Variants in BOC observed in about 807,000 individuals in gnomAD.
The protein encoded by BOC is BOC cell adhesion associated, oncogene regulated.
Under a neutral mutation model 112.0 loss-of-function variants are expected in BOC, and 76 were observed. The observed-to-expected ratio is 0.68, with a 90% CI of 0.56 to 0.82. BOC has a LOEUF of 0.82. Ranked by LOEUF, BOC falls within the 40% of genes least tolerant of loss-of-function variation. BOC has a pLI of 0.00. For missense variants in BOC, 1,309 were observed against 1,511.7 expected (o/e 0.87, Z 2.22); for synonymous variants, 580 against 599.8 (o/e 0.97, Z 0.48).
intron 2 of BOC, among the ~76,000 whole-genome samples, chr3:113,222,332 C>T (rs114052997): frequency 0.019 from 2,814 of 151,816 alleles, 84 homozygotes; most frequent in African/African-American, 0.063. Flanking sequence ...ATCTCAAAAG[C>T]GATGTAATAG....
chr3:113,258,036 C>T (rs1356553622), intron 4 of BOC, among the ~76,000 whole-genome samples: 1 of 152,310 alleles, frequency 6.6e-6, no homozygotes, highest in Non-Finnish European at 1.5e-5. Context: ...CCATGAGTTG[C>T]CCGCCAGAAA....
At chr3:113,225,021 G>A (rs1318337355) in intron 2 of BOC, among the ~76,000 whole-genome samples, 3 of 152,162 alleles carry the variant, frequency 2.0e-5, no homozygotes, top group African/African-American at 4.8e-5. Context: ...AGCTTGCAGT[G>A]AGCTGAGATC....
In BOC at chr3:113,241,317, C is replaced by A. The variant is rs553492827; in HGVS notation, c.-81-8405C>A. Among the ~76,000 whole-genome samples, 5 of 152,282 alleles carry A rather than the reference C, an allele frequency of 3.3e-5. No individual in the cohort carries two copies. The South Asian group carries it at 1.0e-3, about 32-fold the overall frequency. On this transcript the variant is annotated intron_variant, in intron 2 of 19. Transcript: ENST00000682979. The stretch of plus-strand genomic sequence containing the variant: ...GGTGCTCTTCCAGAGACCACACTCA[C>A]CCACCCATACTCCCTTACACATGTG...
chr3:113,284,756 G>A lies in BOC; in HGVS notation c.2890-26G>A, dbSNP rs370578613. On this transcript the variant is annotated intron_variant, in intron 17 of 19. Coordinates refer to ENST00000682979, the MANE Select transcript of BOC (RefSeq NM_001378074.1). The stretch of plus-strand genomic sequence containing the variant: ...GTTACCTGGACTCCCCGGCGTGGCC[G>A]TCTCATTACTCTTCCTTTTGAGCAG... 3.4e-5 allele frequency: 55 copies of A among 1,610,328 alleles called. No individual in the cohort carries two copies. In the East Asian group the frequency reaches 6.0e-4, roughly 18 times the overall value.
At chr3:113,247,917 C>T (rs547645887) in intron 2 of BOC, among the ~76,000 whole-genome samples, 152 of 152,340 alleles carry the variant, frequency 1.0e-3, no homozygotes, top group African/African-American at 3.5e-3. Context: ...CAGGAAATAA[C>T]TTTTGAAAAA....
chr3:113,267,304 A>G (rs781639552), intron 4 of BOC, among the ~76,000 whole-genome samples: 2 of 152,190 alleles, frequency 1.3e-5, no homozygotes, highest in Non-Finnish European at 2.9e-5. Flanking sequence ...AACATGAGTG[A>G]TTTGTCTCAT....
intron 2 of BOC, among the ~76,000 whole-genome samples, chr3:113,244,316 A>G (rs193239793): frequency 1.5e-4 from 23 of 152,318 alleles, no homozygotes; most frequent in Admixed American, 1.4e-3. Flanking sequence ...CAGTAATATT[A>G]ATAATTAAAA....
intron 4 of BOC, among the ~76,000 whole-genome samples, chr3:113,259,525 A>G (rs527583201): frequency 6.6e-6 from 1 of 152,240 alleles, no homozygotes; most frequent in South Asian, 2.1e-4. Flanking sequence ...TGGTTCCCTC[A>G]TTTTTTAAAA....
intron 4 of BOC, among the ~76,000 whole-genome samples, chr3:113,259,155 A>G (rs1946543942): frequency 6.6e-6 from 1 of 152,198 alleles, no homozygotes; most frequent in African/African-American, 2.4e-5. Flanking sequence ...CAGGAGTCCC[A>G]TTCTATATTT....
At chr3:113,259,354 G>T (rs1251798824) in intron 4 of BOC, among the ~76,000 whole-genome samples, 2 of 152,212 alleles carry the variant, frequency 1.3e-5, no homozygotes, top group African/African-American at 4.8e-5. Flanking sequence ...TGTGTAGTAT[G>T]TTGATTCAGT....
intron 15 of BOC, among the ~76,000 whole-genome samples, chr3:113,283,009 G>A (rs1018909178): frequency 2.0e-5 from 3 of 152,174 alleles, no homozygotes; most frequent in Non-Finnish European, 2.9e-5. Flanking sequence ...CAGTCCACCA[G>A]CAGGTAGCAC....
At chr3:113,256,858 C>T (rs1233378728) in intron 4 of BOC, among the ~76,000 whole-genome samples, 1 of 151,990 alleles carries the variant, frequency 6.6e-6, no homozygotes, top group Non-Finnish European at 1.5e-5. Context: ...CTCATGCAGG[C>T]TGTAGATTCA....
chr3:113,242,425 A>G (rs960041126), intron 2 of BOC, among the ~76,000 whole-genome samples: 4 of 152,310 alleles, frequency 2.6e-5, no homozygotes, highest in African/African-American at 4.8e-5. Context: ...GTGCTGGAGC[A>G]GGGAGAGGAT....
chr3:113,284,199 C>T (rs1576514313), intron 16 of BOC, 136 bp from the exon 17 acceptor site: 2 of 714,764 alleles, frequency 2.8e-6, no homozygotes, highest in East Asian at 5.0e-5. Context: ...TTCTCCATCG[C>T]TTGGGCACTG....
chr3:113,222,782 T>C (rs947748612), intron 2 of BOC, among the ~76,000 whole-genome samples: 7 of 152,248 alleles, frequency 4.6e-5, no homozygotes, highest in African/African-American at 1.7e-4. Context: ...TGAGTGTGCC[T>C]GGGCCATCCA....
chr3:113,224,046 C>A (rs1454535290), intron 2 of BOC, among the ~76,000 whole-genome samples: 7 of 152,230 alleles, frequency 4.6e-5, no homozygotes, highest in African/African-American at 1.7e-4. Flanking sequence ...ACACGAGGAG[C>A]ACATGGGCTG....
At chr3:113,230,293 A>T (rs1942400642) in intron 2 of BOC, among the ~76,000 whole-genome samples, 1 of 152,234 alleles carries the variant, frequency 6.6e-6, no homozygotes. Context: ...AGGAGTACGT[A>T]TGCAGAGTAC....
chr3:113,267,326 TTTG>T (rs1304660214), intron 4 of BOC, among the ~76,000 whole-genome samples: 2 of 152,128 alleles, frequency 1.3e-5, no homozygotes, highest in African/African-American at 4.8e-5. Context: ...CAAAGAGAGA[TTTG>T]TTGTTTGGAC....
At chr3:113,263,393 T>C (rs1235228845) in intron 4 of BOC, among the ~76,000 whole-genome samples, 1 of 152,216 alleles carries the variant, frequency 6.6e-6, no homozygotes, top group African/African-American at 2.4e-5. Context: ...TCTTTAAGCA[T>C]TCAGCAGAGC....
Sources: gnomAD v4.1 joint callset for allele counts (sites outside exome capture counted in the v4.1 genomes callset) on GRCh38, gnomAD v4.1.1 for gene constraint, MANE v1.5 for transcripts, NCBI Gene and HGNC (gene_info 2026-07-23, HGNC 2026-07-21) for gene names.